KALRN: variants seen among roughly 807,000 people sequenced by gnomAD.
KALRN encodes kalirin RhoGEF kinase.
KALRN carries 70 observed loss-of-function variants against 353.7 expected under a neutral mutation model. The observed-to-expected ratio is 0.20, with a 90% CI of 0.16 to 0.24. The LOEUF (loss-of-function observed/expected upper bound fraction) is 0.24, where lower values mean the gene tolerates loss of function less well. Ranked by LOEUF, KALRN falls within the 10% of genes least tolerant of loss-of-function variation. The pLI, the probability that KALRN is intolerant of heterozygous loss-of-function variation, is 1.00. For missense variants in KALRN, 2,791 were observed against 3,756.7 expected, an observed-to-expected ratio of 0.74 and a Z score of 6.72; for synonymous variants, 1,391 against 1,434.8, an observed-to-expected ratio of 0.97 and a Z score of 0.69.
chr3:124,519,311 C>T, intron 33 of KALRN: 1 of 982,800 alleles, frequency 1.0e-6, no homozygotes, highest in Non-Finnish European at 1.2e-6. Context: ...TATTTGTTTG[C>T]AATTTTTCAT....
intron 57 of KALRN, among the ~76,000 whole-genome samples, chr3:124,707,287 A>G (rs1479571057): frequency 1.3e-5 from 2 of 152,154 alleles, no homozygotes; most frequent in South Asian, 4.1e-4. Flanking sequence ...AGATCGCACC[A>G]CTGCATTCCA....
At chr3:124,714,790 C>T (rs564914038) in intron 58 of KALRN, among the ~76,000 whole-genome samples, 3 of 152,168 alleles carry the variant, frequency 2.0e-5, no homozygotes, top group Non-Finnish European at 2.9e-5. Context: ...CCGAGGTGGG[C>T]GGATCACTTG....
At chr3:124,461,381 C>T (rs1254132838) in intron 23 of KALRN, among the ~76,000 whole-genome samples, 3 of 151,848 alleles carry the variant, frequency 2.0e-5, no homozygotes, top group East Asian at 1.9e-4. Flanking sequence ...CCCCTGATCT[C>T]GGTGTGTTGG....
At chr3:124,214,146 A>G (rs2077119311) in intron 1 of KALRN, among the ~76,000 whole-genome samples, 1 of 152,052 alleles carries the variant, frequency 6.6e-6, no homozygotes, top group African/African-American at 2.4e-5. Flanking sequence ...ATATATATGT[A>G]TATATATATG....
intron 12 of KALRN, 31 bp from the exon 13 acceptor site, chr3:124,398,665 TC>T (rs1366267012): frequency 1.2e-6 from 2 of 1,612,560 alleles, no homozygotes; most frequent in East Asian, 4.5e-5. Flanking sequence ...GAAAGGCCTC[TC>T]CCTCCCTTTT....
chr3:124,415,670 G>A (rs1193533228), intron 14 of KALRN, among the ~76,000 whole-genome samples: 1 of 152,188 alleles, frequency 6.6e-6, no homozygotes, highest in African/African-American at 2.4e-5. Context: ...CATGAATAAG[G>A]CAGTGTTGCT....
intron 10 of KALRN, among the ~76,000 whole-genome samples, chr3:124,373,107 C>A (rs2086090892): frequency 6.6e-6 from 1 of 152,092 alleles, no homozygotes; most frequent in African/African-American, 2.4e-5. Flanking sequence ...CTAACCTCCT[C>A]CCCCTGTCCT....
chr3:124,268,016 C>T (rs576277350), intron 4 of KALRN, among the ~76,000 whole-genome samples: 4 of 152,272 alleles, frequency 2.6e-5, no homozygotes, highest in African/African-American at 7.2e-5. Flanking sequence ...GCTAGCCTCT[C>T]ATTCTTCATG....
chr3:124,206,152 A>G (rs573771010), intron 1 of KALRN, among the ~76,000 whole-genome samples: 24 of 152,310 alleles, frequency 1.6e-4, no homozygotes, highest in African/African-American at 5.8e-4. Context: ...AGATCACGTA[A>G]TAGAAGATTA....
chr3:124,454,818 T>C (rs557235035), intron 21 of KALRN, among the ~76,000 whole-genome samples: 2 of 152,326 alleles, frequency 1.3e-5, no homozygotes, highest in Admixed American at 6.5e-5. Flanking sequence ...TAGAGATGAT[T>C]TGAAGTGTTC....
rs566699000 is a variant in KALRN, at chr3:124,273,088, C to G, written c.969+3833C>G. Among the ~76,000 whole-genome samples the G allele has an allele frequency of 3.5e-4, 53 of 152,320 alleles. 1 individual carries two copies. The highest frequency in any genetic ancestry group is 1.2e-3 in the African/African-American group (49 of 41,574). On this transcript the variant is annotated intron_variant, in intron 5 of 59. Transcript: ENST00000682506. ...AGGTGGGCGCAGTCTCGCCCCTGGC[C>G]TTGCAGGGTGACAGCTTGTTCCCAA...
At chr3:124,637,331 G>A (rs774588777) in intron 37 of KALRN, 28 bp downstream of exon 37, 4 of 1,517,130 alleles carry the variant, frequency 2.6e-6, no homozygotes. Flanking sequence ...AGGCAGTTCT[G>A]TGTGTGTCTC....
At chr3:124,418,771 G>A (rs2092635913) in intron 14 of KALRN, among the ~76,000 whole-genome samples, 1 of 152,218 alleles carries the variant, frequency 6.6e-6, no homozygotes, top group Admixed American at 6.5e-5. Context: ...TCTGCTGAGT[G>A]TAGCAGAAGG....
chr3:124,293,995 C>T (rs536377528), intron 5 of KALRN, among the ~76,000 whole-genome samples: 2 of 151,958 alleles, frequency 1.3e-5, no homozygotes, highest in East Asian at 1.9e-4. Flanking sequence ...ATCAGCCATC[C>T]CCAGACACCT....
intron 16 of KALRN, 133 bp downstream of exon 16, chr3:124,430,908 G>A: frequency 9.0e-7 from 1 of 1,111,354 alleles, no homozygotes; most frequent in South Asian, 1.8e-5. Flanking sequence ...GGTCCAGGGA[G>A]CCTTCCTCTT....
chr3:124,637,075 C>T (rs145454851), intron 36 of KALRN, 133 bp from the exon 37 acceptor site: 1 of 720,042 alleles, frequency 1.4e-6, no homozygotes, highest in Admixed American at 2.0e-5. Context: ...CTCCCTCTGT[C>T]ACCTCTTCCG....
Position 124,227,972 on chromosome 3 carries a change from TG to T in KALRN, c.74-16del. The T allele has an allele frequency of 6.2e-7, 1 of 1,608,970 alleles. No individual in the cohort carries two copies. The highest frequency in any genetic ancestry group is 8.5e-7 in the Non-Finnish European group (1 of 1,175,322). On this transcript the variant is annotated splice_polypyrimidine_tract_variant and intron_variant, in intron 1 of 59. Coordinates refer to ENST00000682506, the MANE Select transcript of KALRN (RefSeq NM_001388419.1). ...TGGCTCCTCTCACCCTGATTCCTTCTGGTTTGTTGTCCCACAGGGTCTTTTC... is the reference window on the plus strand; with the variant it reads ...TGGCTCCTCTCACCCTGATTCCTTCTGTTTGTTGTCCCACAGGGTCTTTTC...
At chr3:124,263,425 C>T (rs2148877646) in intron 3 of KALRN, among the ~76,000 whole-genome samples, 1 of 152,068 alleles carries the variant, frequency 6.6e-6, no homozygotes. Context: ...CATTTTAAAC[C>T]ACAAAGCTGG....
At chr3:124,242,738 G>A (rs906625661) in intron 3 of KALRN, among the ~76,000 whole-genome samples, 1 of 152,156 alleles carries the variant, frequency 6.6e-6, no homozygotes, top group Non-Finnish European at 1.5e-5. Context: ...TTGGGCTTCT[G>A]CTGGCCAAGG....
Sources: gnomAD v4.1 joint callset for allele counts (sites outside exome capture counted in the v4.1 genomes callset) on GRCh38, gnomAD v4.1.1 for gene constraint, MANE v1.5 for transcripts, NCBI Gene and HGNC (gene_info 2026-07-23, HGNC 2026-07-21) for gene names.